The following GTF2E2 variants were observed in gnomAD, a reference collection of about 807,000 sequenced individuals.
GTF2E2 encodes the protein general transcription factor IIE subunit 2.
In GTF2E2, 21 loss-of-function variants were observed where a neutral mutation model predicts 40.5. The ratio of observed to expected loss-of-function variants is 0.52; its 90% CI spans 0.37 to 0.75. GTF2E2 has a LOEUF of 0.75. Ranked by LOEUF, GTF2E2 falls within the 30% of genes least tolerant of loss-of-function variation. GTF2E2 has a pLI of 0.00. For synonymous variants in GTF2E2, 117 were observed against 121.6 expected (o/e 0.96, Z 0.25); for missense variants, 298 against 338.4 (o/e 0.88, Z 0.94).
At chr8:30,593,428 G>A (rs770160274) in intron 6 of GTF2E2, among the ~76,000 whole-genome samples, 2 of 152,190 alleles carry the variant, frequency 1.3e-5, no homozygotes, top group Non-Finnish European at 1.5e-5. Context: ...AAGGCCTGTT[G>A]TTAGATATAT....
At chr8:30,608,196 GGAA>G (rs567186091) in intron 5 of GTF2E2, among the ~76,000 whole-genome samples, 201 of 152,254 alleles carry the variant, frequency 1.3e-3, no homozygotes, top group African/African-American at 4.7e-3. Flanking sequence ...ATTCATCATA[GGAA>G]TAAAGTCTCA....
chr8:30,628,672 C>T (rs1801352573), intron 3 of GTF2E2, among the ~76,000 whole-genome samples: 1 of 152,172 alleles, frequency 6.6e-6, no homozygotes, highest in African/African-American at 2.4e-5. Context: ...TGGCTCACGC[C>T]TGTAATCCCA....
At chr8:30,612,107 T>C (rs987624134) in intron 5 of GTF2E2, among the ~76,000 whole-genome samples, 192 bp downstream of exon 5, 3 of 152,310 alleles carry the variant, frequency 2.0e-5, no homozygotes, top group South Asian at 4.1e-4. Flanking sequence ...CCGTCAAAGT[T>C]ACACAGAGAT....
chr8:30,594,976 T>C (rs896596193), intron 6 of GTF2E2, among the ~76,000 whole-genome samples: 3 of 152,220 alleles, frequency 2.0e-5, no homozygotes, highest in Non-Finnish European at 2.9e-5. Flanking sequence ...AAGGCTATAA[T>C]CTTCACCACT....
chr8:30,613,929 C>T (rs1241252278), intron 4 of GTF2E2, among the ~76,000 whole-genome samples: 1 of 152,160 alleles, frequency 6.6e-6, no homozygotes, highest in Non-Finnish European at 1.5e-5. Flanking sequence ...GCATTCGCGA[C>T]TTTTTTTCCA....
chr8:30,622,145 C>T (rs1284419783), intron 3 of GTF2E2, among the ~76,000 whole-genome samples: 1 of 133,806 alleles, frequency 7.5e-6, no homozygotes, highest in Non-Finnish European at 1.6e-5. Context: ...ACAACAGGCC[C>T]CGGTGTGTGA....
At chr8:30,612,244 AG>A in intron 5 of GTF2E2, 54 bp downstream of exon 5, 1 of 1,107,258 alleles carries the variant, frequency 9.0e-7, no homozygotes, top group South Asian at 1.4e-5. Flanking sequence ...TTTAAAACCA[AG>A]AAGTCATTAT....
rs560669594 is a variant in GTF2E2 at position 30,635,643 on chromosome 8, A to G, written c.167-520T>C. On this transcript the variant is annotated intron_variant, in intron 2 of 7. Coordinates refer to ENST00000355904, the MANE Select transcript of GTF2E2 (RefSeq NM_002095.6). ...AGAGATTCACCCATCTCAGCCTCCCAAAGTGCTGGGGTTACAGGTGTGAGC... is the reference window on the plus strand; with the variant it reads ...AGAGATTCACCCATCTCAGCCTCCCGAAGTGCTGGGGTTACAGGTGTGAGC... Among the ~76,000 whole-genome samples the G allele has an allele frequency of 1.6e-4, 25 of 152,190 alleles. 1 individual carries two copies. The highest frequency in any genetic ancestry group is 4.3e-4 in the African/African-American group (18 of 41,548).
At chr8:30,628,236 A>G (rs1038802293) in intron 3 of GTF2E2, among the ~76,000 whole-genome samples, 2 of 152,230 alleles carry the variant, frequency 1.3e-5, no homozygotes, top group Non-Finnish European at 2.9e-5. Context: ...ATCAGGTGAG[A>G]AAAGAAATCA....
chr8:30,641,205 G>C (rs954561880), intron 2 of GTF2E2, among the ~76,000 whole-genome samples: 1 of 151,982 alleles, frequency 6.6e-6, no homozygotes, highest in Non-Finnish European at 1.5e-5. Flanking sequence ...TGAGCCGCTC[G>C]GTTATCAATA....
chr8:30,621,760 A>G (rs1401239516), intron 3 of GTF2E2, among the ~76,000 whole-genome samples: 1 of 151,978 alleles, frequency 6.6e-6, no homozygotes, highest in Non-Finnish European at 1.5e-5. Flanking sequence ...TTTTCTACAT[A>G]CTTAATCACA....
At chr8:30,621,570 T>C (rs918594585) in intron 3 of GTF2E2, among the ~76,000 whole-genome samples, 2 of 152,134 alleles carry the variant, frequency 1.3e-5, no homozygotes, top group African/African-American at 4.8e-5. Flanking sequence ...AAAGAAAACA[T>C]CTTTGTTAAA....
intron 6 of GTF2E2, among the ~76,000 whole-genome samples, chr8:30,594,339 C>T (rs1828935610): frequency 6.6e-6 from 1 of 151,792 alleles, no homozygotes; most frequent in Admixed American, 6.6e-5. Flanking sequence ...CTCACTGCAA[C>T]CTCCACCTCC....
rs1270987055 is a variant in GTF2E2, at chr8:30,612,287, AAG to A, written c.549+10_549+11del. ...AAATTATATTAAGACATAGAAAGAA[AAG>A]AGAGATTACCTTGACAGCTTTCTGG... is the stretch of plus-strand genomic sequence containing the variant. On this transcript the variant is annotated intron_variant, in intron 5 of 7. Coordinates refer to ENST00000355904, the MANE Select transcript of GTF2E2 (RefSeq NM_002095.6). The A allele has an allele frequency of 2.0e-6, 3 of 1,518,314 alleles. No homozygotes were observed. Among genetic ancestry groups the A allele is most frequent in the Admixed American group, 1.7e-5 (1 of 57,288 alleles). The allele number at this position is 1,518,314 out of a possible 1,614,324, so 94.1% of individuals were successfully genotyped here. A position where few individuals can be genotyped will look rare whatever the true frequency, so the allele number is the denominator to read the frequency against.
chr8:30,651,950 G>C (rs1441465580), intron 2 of GTF2E2, among the ~76,000 whole-genome samples: 1 of 151,990 alleles, frequency 6.6e-6, no homozygotes, highest in East Asian at 1.9e-4. Flanking sequence ...TTCAACAAGG[G>C]CGCAATATAA....
chr8:30,622,074 C>G lies in GTF2E2; in HGVS notation c.259-7359G>C, dbSNP rs568144033. ...GTGCCATGTTGGTGTGCTGTACCCA[C>G]TAACTCGTCCTTTACATTAGGTATA... On this transcript the variant is annotated intron_variant, in intron 3 of 7. Coordinates refer to ENST00000355904, the MANE Select transcript of GTF2E2 (RefSeq NM_002095.6). Among the ~76,000 whole-genome samples, 155 of 151,740 alleles carry G rather than the reference C, an allele frequency of 1.0e-3. 2 individuals carry two copies. Among genetic ancestry groups the G allele is most frequent in the African/African-American group, 3.5e-3 (144 of 41,204 alleles).
chr8:30,617,923 C>A (rs1404340677), intron 3 of GTF2E2, among the ~76,000 whole-genome samples: 1 of 152,136 alleles, frequency 6.6e-6, no homozygotes, highest in Non-Finnish European at 1.5e-5. Flanking sequence ...GGTGTACACA[C>A]CCCAGGGACA....
Position 30,607,160 on chromosome 8 carries a change from AG to A in GTF2E2, c.550-11del. The A allele has an allele frequency of 6.3e-6, 7 of 1,112,574 alleles. No homozygotes were observed. Among genetic ancestry groups the A allele is most frequent in the Non-Finnish European group, 9.2e-6 (7 of 761,964 alleles). 68.9% of individuals were successfully genotyped at this position (1,112,574 alleles called of 1,614,324 possible). The stretch of plus-strand genomic sequence containing the variant: ...TCTGGTCCCCCAAAGCCTTAAAGAT[AG>A]ATAAAATAAAGATTTTTCAGTTAAC... On this transcript the variant is annotated splice_polypyrimidine_tract_variant and intron_variant, in intron 5 of 7. Coordinates refer to ENST00000355904, the MANE Select transcript of GTF2E2 (RefSeq NM_002095.6).
At chr8:30,632,854 A>G (rs10955036) in intron 3 of GTF2E2, among the ~76,000 whole-genome samples, 9,608 of 152,272 alleles carry the variant, frequency 0.063, 432 homozygotes, top group Non-Finnish European at 0.089. Context: ...TTTTTGACAT[A>G]TAACTTGGAA....
Sources: allele counts gnomAD v4.1 joint callset (sites outside exome capture counted in the v4.1 genomes callset), GRCh38; gene constraint gnomAD v4.1.1; transcripts MANE v1.5; gene names NCBI Gene and HGNC (gene_info 2026-07-23, HGNC 2026-07-21).